R3HCC1L: variants seen among roughly 807,000 people sequenced by gnomAD.
The protein encoded by R3HCC1L is coiled-coil domain-containing protein R3HCC1L.
A neutral mutation model predicts 59.9 loss-of-function variants in R3HCC1L; 51 were observed. The observed-to-expected ratio is 0.85, with a 90% CI of 0.68 to 1.07. The LOEUF is 1.07. Among genes scored for constraint, R3HCC1L ranks in the 50% least tolerant of loss-of-function variants. R3HCC1L has a pLI of 0.00. For synonymous variants in R3HCC1L, 322 were observed against 315.2 expected (o/e 1.02, Z -0.23); for missense variants, 965 against 933.0 (o/e 1.03, Z -0.45).
chr10:98,173,596 G>T (rs979450465), intron 4 of R3HCC1L, among the ~76,000 whole-genome samples: 10 of 152,002 alleles, frequency 6.6e-5, no homozygotes, highest in African/African-American at 2.4e-4. Flanking sequence ...CCGTCACTTC[G>T]CATTAATTAC....
intron 5 of R3HCC1L, among the ~76,000 whole-genome samples, chr10:98,213,078 G>A (rs1853773839): frequency 6.6e-6 from 1 of 151,972 alleles, no homozygotes; most frequent in African/African-American, 2.4e-5. Flanking sequence ...TGCAAAAATG[G>A]TGTCCATGTT....
At chr10:98,239,433 T>G (rs1857295339) in intron 9 of R3HCC1L, among the ~76,000 whole-genome samples, 1 of 152,116 alleles carries the variant, frequency 6.6e-6, no homozygotes, top group African/African-American at 2.4e-5. Flanking sequence ...TCTCCCAGCC[T>G]TTCTTTCTCC....
chr10:98,209,638 C>T lies in R3HCC1L; in HGVS notation c.1524C>T (p.Asp508=), dbSNP rs758028142. Residue 508 remains aspartate, a synonymous_variant, in exon 5 of 10, where the codon GAC becomes GAT. Transcript: ENST00000298999. ...TTTCAGACAGTGCCGTGGGCATTGA[C>T]CTGGGTAGTACTGGTGATACAACAG... is the stretch of plus-strand genomic sequence containing the variant. ...KVLSDSAVGI[D]LGSTGDTTEA... The T allele has an allele frequency of 8.7e-6, 14 of 1,613,876 alleles. No individual in the cohort carries two copies. Among genetic ancestry groups the T allele is most frequent in the African/African-American group, 1.3e-5 (1 of 74,910 alleles).
At chr10:98,221,865 C>CT (rs1263968536) in intron 5 of R3HCC1L, among the ~76,000 whole-genome samples, 2 of 152,160 alleles carry the variant, frequency 1.3e-5, no homozygotes, top group Non-Finnish European at 2.9e-5. Flanking sequence ...GATTCGGGCT[C>CT]TTTTTTGGTT....
chr10:98,226,203 T>G (rs1283292506), intron 5 of R3HCC1L, among the ~76,000 whole-genome samples: 1 of 152,238 alleles, frequency 6.6e-6, no homozygotes, highest in African/African-American at 2.4e-5. Flanking sequence ...TCTTTGACAG[T>G]GTATTATTTA....
rs923823097 is a variant in R3HCC1L at position 98,163,362 on chromosome 10, A to C, written c.-50A>C. 2 of 1,336,586 alleles carry C rather than the reference A, an allele frequency of 1.5e-6. No individual in the cohort carries two copies. Among genetic ancestry groups the C allele is most frequent in the Non-Finnish European group, 2.0e-6 (2 of 1,014,826 alleles). 82.8% of individuals were successfully genotyped at this position (1,336,586 alleles called of 1,614,324 possible). A position where few individuals can be genotyped will look rare whatever the true frequency, so the allele number is the denominator to read the frequency against. On this transcript the variant is annotated 5_prime_UTR_variant, in exon 4 of 10. Transcript: ENST00000298999. ...GAGACAGTCTATCGGCATGTTGTAGAGTTTTATTACTAAGAAAATAAATGT... is the reference window on the plus strand; with the variant it reads ...GAGACAGTCTATCGGCATGTTGTAGCGTTTTATTACTAAGAAAATAAATGT...
At chr10:98,179,387 C>G (rs1048771106) in intron 4 of R3HCC1L, among the ~76,000 whole-genome samples, 2 of 151,708 alleles carry the variant, frequency 1.3e-5, no homozygotes, top group Non-Finnish European at 2.9e-5. Context: ...GTATGTTGAA[C>G]CAGCCTTGCA....
intron 4 of R3HCC1L, among the ~76,000 whole-genome samples, chr10:98,175,093 C>G (rs749386513): frequency 1.6e-4 from 25 of 152,010 alleles, no homozygotes; most frequent in Non-Finnish European, 2.8e-4. Flanking sequence ...TTGAGTAAGT[C>G]AATGAAGTTT....
rs542578407 is a variant in R3HCC1L at position 98,214,885 on chromosome 10, C to T, written c.1785+4986C>T. On this transcript the variant is annotated intron_variant, in intron 5 of 9. Coordinates refer to ENST00000298999, the MANE Select transcript of R3HCC1L (RefSeq NM_001351015.2). ...ATTAGTTCTACAAGACTATCAACTC[C>T]TTAAACATTGATTTAGCGGTCTAGT... Among the ~76,000 whole-genome samples, 3 of 152,318 alleles carry T rather than the reference C, an allele frequency of 2.0e-5. No individual in the cohort carries two copies. In the East Asian group the frequency reaches 5.8e-4, roughly 29 times the overall value.
In R3HCC1L at chr10:98,134,725, T is replaced by C. The variant is rs939854841; in HGVS notation, c.-268+19T>C. The C allele has an allele frequency of 6.6e-6, 1 of 152,322 alleles. No homozygotes were observed. The allele number at this position is 152,322 out of a possible 1,614,324, so 9.4% of individuals were successfully genotyped here. A position where few individuals can be genotyped will look rare whatever the true frequency, so the allele number is the denominator to read the frequency against. ...CGCGCCGGTAACAACCAGCCCCGTA[T>C]CCCCTCCCTCTGTACCTCAAGCTAG... On this transcript the variant is annotated intron_variant, in intron 1 of 9. Transcript: ENST00000298999.
intron 5 of R3HCC1L, among the ~76,000 whole-genome samples, chr10:98,219,056 C>T (rs1051050755): frequency 2.6e-5 from 4 of 152,074 alleles, no homozygotes; most frequent in Admixed American, 6.5e-5. Flanking sequence ...GGATTATAGG[C>T]GCATGCTATT....
intron 5 of R3HCC1L, among the ~76,000 whole-genome samples, chr10:98,218,521 C>G (rs1484991008): frequency 6.6e-6 from 1 of 151,986 alleles, no homozygotes; most frequent in African/African-American, 2.4e-5. Context: ...TTTGTATTTT[C>G]TTAGTCTCTC....
chr10:98,163,351 G>A lies in R3HCC1L; in HGVS notation c.-61G>A. The A allele has an allele frequency of 1.5e-6, 2 of 1,301,716 alleles. No homozygotes were observed. The highest frequency in any genetic ancestry group is 2.0e-6 in the Non-Finnish European group (2 of 994,782). 80.6% of individuals were successfully genotyped at this position (1,301,716 alleles called of 1,614,324 possible). ...GTTTGCCTTCAGAGACAGTCTATCG[G>A]CATGTTGTAGAGTTTTATTACTAAG... On this transcript the variant is annotated 5_prime_UTR_variant, in exon 4 of 10. Coordinates refer to ENST00000298999, the MANE Select transcript of R3HCC1L (RefSeq NM_001351015.2).
chr10:98,184,620 T>C (rs998704600), intron 4 of R3HCC1L, among the ~76,000 whole-genome samples: 3 of 152,238 alleles, frequency 2.0e-5, no homozygotes, highest in Non-Finnish European at 4.4e-5. Flanking sequence ...GACACATGAC[T>C]GTAGTACATT....
Position 98,208,585 on chromosome 10 carries a change from AC to A in R3HCC1L, c.472del (p.His158MetfsTer11). ...AAGTTGAAACTACGGATGTGACAGG[AC>A]ATGAGAGGATACTTCTTTCACAGGC... ...LEVETTDVTG[H>X]ERILLSQACL... On this transcript the variant is annotated frameshift_variant, in exon 5 of 10. Transcript: ENST00000298999. LOFTEE classifies it high-confidence loss of function. The A allele has an allele frequency of 6.2e-7, 1 of 1,614,132 alleles. No homozygotes were observed. Among genetic ancestry groups the A allele is most frequent in the East Asian group, 2.2e-5 (1 of 44,864 alleles).
chr10:98,212,864 A>G (rs1175952110), intron 5 of R3HCC1L, among the ~76,000 whole-genome samples: 4 of 152,156 alleles, frequency 2.6e-5, no homozygotes, highest in African/African-American at 9.7e-5. Flanking sequence ...ATATTTAAGT[A>G]GTATCTCCTA....
intron 4 of R3HCC1L, among the ~76,000 whole-genome samples, chr10:98,164,159 G>T (rs118048401): frequency 1.7e-3 from 256 of 152,292 alleles, no homozygotes; most frequent in Admixed American, 9.3e-3. Context: ...CTCATGTGCT[G>T]CTGACGCACA....
chr10:98,204,198 C>T lies in R3HCC1L; in HGVS notation c.-14-3903C>T, dbSNP rs553512467. 1.9e-4 allele frequency among the ~76,000 whole-genome samples: 29 copies of T among 152,268 alleles called. No individual in the cohort carries two copies. The East Asian group carries it at 4.8e-3, about 25-fold the overall frequency. On this transcript the variant is annotated intron_variant, in intron 4 of 9. Coordinates refer to ENST00000298999, the MANE Select transcript of R3HCC1L (RefSeq NM_001351015.2). Reference sequence around the variant, plus strand: ...CCCACGTGGGCGGATCACCTGAGGTCGGGAGTTTGAGACCAGCCTGACCAA... The same window carrying T: ...CCCACGTGGGCGGATCACCTGAGGTTGGGAGTTTGAGACCAGCCTGACCAA...
At chr10:98,157,751 T>A (rs1462579696) in intron 2 of R3HCC1L, among the ~76,000 whole-genome samples, 1 of 152,262 alleles carries the variant, frequency 6.6e-6, no homozygotes, top group African/African-American at 2.4e-5. Flanking sequence ...TTGACTTATT[T>A]CAGTAGAATT....
Sources: allele counts gnomAD v4.1 joint callset (sites outside exome capture counted in the v4.1 genomes callset), GRCh38; gene constraint gnomAD v4.1.1; transcripts MANE v1.5; gene names NCBI Gene and HGNC (gene_info 2026-07-23, HGNC 2026-07-21).